The following GUCY1A2 variants were observed in gnomAD, a reference collection of about 807,000 sequenced individuals.
The protein encoded by GUCY1A2 is guanylate cyclase 1 soluble subunit alpha 2.
Under a neutral mutation model 63.5 loss-of-function variants are expected in GUCY1A2, and 27 were observed. That is an observed-to-expected ratio of 0.43 (90% confidence interval 0.31 to 0.59). GUCY1A2 has a LOEUF of 0.59. Among genes scored for constraint, GUCY1A2 ranks in the 20% least tolerant of loss-of-function variants. The probability of loss-of-function intolerance (pLI) is 0.11; values close to 1 mark genes in which losing one functional copy is unlikely to be tolerated. For missense variants in GUCY1A2, 768 were observed against 913.3 expected, an observed-to-expected ratio of 0.84 and a Z score of 2.05; for synonymous variants, 364 against 343.5, an observed-to-expected ratio of 1.06 and a Z score of -0.66.
chr11:106,901,015 G>A (rs774431182), intron 4 of GUCY1A2, among the ~76,000 whole-genome samples: 1 of 152,164 alleles, frequency 6.6e-6, no homozygotes, highest in African/African-American at 2.4e-5. Context: ...CTTTATGAAA[G>A]ATTTCTCTCT....
rs1169853043 is a variant in GUCY1A2, at chr11:106,986,126, C to T, written c.309G>A (p.Gln103=). 3.5e-6 allele frequency: 5 copies of T among 1,426,066 alleles called. No individual in the cohort carries two copies. Among genetic ancestry groups the T allele is most frequent in the Non-Finnish European group, 3.0e-6 (3 of 1,008,732 alleles). The allele number at this position is 1,426,066 out of a possible 1,614,324, so 88.3% of individuals were successfully genotyped here. A position where few individuals can be genotyped will look rare whatever the true frequency, so the allele number is the denominator to read the frequency against. ...SISRLTAPSP[Q]TIQQTLKRTL... ...TCCTCTTGAGAGTCTGCTGTATCGTCTGAGGCTACAGAATAATAATAATAA... is the reference window on the plus strand; with the variant it reads ...TCCTCTTGAGAGTCTGCTGTATCGTTTGAGGCTACAGAATAATAATAATAA... Residue 103 remains glutamine (Q), a synonymous_variant, in exon 2 of 8, where the codon CAG becomes CAA. Transcript: ENST00000526355.
intron 4 of GUCY1A2, among the ~76,000 whole-genome samples, chr11:106,879,749 T>C (rs886790689): frequency 2.0e-5 from 3 of 152,074 alleles, no homozygotes; most frequent in Non-Finnish European, 4.4e-5. Context: ...ACCATTTTCA[T>C]CAGTATGCCC....
At chr11:106,691,899 T>G (rs1448649886) in intron 7 of GUCY1A2, among the ~76,000 whole-genome samples, 1 of 152,162 alleles carries the variant, frequency 6.6e-6, no homozygotes, top group Non-Finnish European at 1.5e-5. Context: ...AACACTGAAG[T>G]GCAATATTCA....
At chr11:106,917,770 G>A (rs1310980357) in intron 4 of GUCY1A2, among the ~76,000 whole-genome samples, 17 of 103,374 alleles carry the variant, frequency 1.6e-4, no homozygotes, top group African/African-American at 4.3e-4. Flanking sequence ...AGGAAGGGGA[G>A]CATCACACAC....
intron 6 of GUCY1A2, among the ~76,000 whole-genome samples, chr11:106,739,975 C>T (rs1417935264): frequency 1.3e-5 from 2 of 150,826 alleles, no homozygotes; most frequent in South Asian, 4.2e-4. Context: ...GTACCACTAC[C>T]TTTACACCTC....
intron 3 of GUCY1A2, among the ~76,000 whole-genome samples, chr11:106,943,766 G>T (rs1400654712): frequency 6.6e-6 from 1 of 152,202 alleles, no homozygotes; most frequent in African/African-American, 2.4e-5. Context: ...AAAGACACAT[G>T]ACTTTCTCTC....
chr11:106,985,831 G>GA (rs892119418), intron 2 of GUCY1A2, among the ~76,000 whole-genome samples: 3 of 151,476 alleles, frequency 2.0e-5, no homozygotes, highest in Non-Finnish European at 4.4e-5. Flanking sequence ...AGAAGACTGA[G>GA]AAAAAAAAGA....
chr11:106,894,969 G>A (rs910463075), intron 4 of GUCY1A2, among the ~76,000 whole-genome samples: 1 of 152,044 alleles, frequency 6.6e-6, no homozygotes, highest in African/African-American at 2.4e-5. Context: ...ACAAAACGTG[G>A]TTCTTTGAAA....
chr11:106,885,578 T>C (rs1309458124), intron 4 of GUCY1A2, among the ~76,000 whole-genome samples: 2 of 152,200 alleles, frequency 1.3e-5, no homozygotes, highest in Non-Finnish European at 2.9e-5. Context: ...ATTATTGCCT[T>C]CCATTACTAA....
intron 6 of GUCY1A2, among the ~76,000 whole-genome samples, chr11:106,748,336 A>G (rs993081586): frequency 7.2e-5 from 11 of 152,312 alleles, no homozygotes; most frequent in Non-Finnish European, 4.4e-5. Flanking sequence ...GAGATAGGGC[A>G]CTAGGAAGCT....
intron 5 of GUCY1A2, among the ~76,000 whole-genome samples, chr11:106,802,051 A>G (rs555030209): frequency 6.6e-6 from 1 of 152,298 alleles, no homozygotes; most frequent in African/African-American, 2.4e-5. Context: ...TTAAGTGATA[A>G]ATAGTGGCAG....
chr11:106,765,712 T>A (rs1864150844), intron 6 of GUCY1A2, among the ~76,000 whole-genome samples: 1 of 152,108 alleles, frequency 6.6e-6, no homozygotes, highest in Admixed American at 6.6e-5. Flanking sequence ...TACATGGTCA[T>A]TTGACCATCA....
intron 1 of GUCY1A2, among the ~76,000 whole-genome samples, chr11:107,004,953 G>A (rs1004197925): frequency 6.6e-6 from 1 of 152,136 alleles, no homozygotes; most frequent in Non-Finnish European, 1.5e-5. Flanking sequence ...AGAGACATAG[G>A]TTCTTGATGT....
chr11:106,925,009 AAAAAC>A (rs1030320681), intron 4 of GUCY1A2, among the ~76,000 whole-genome samples: 2 of 152,144 alleles, frequency 1.3e-5, no homozygotes, highest in African/African-American at 4.8e-5. Context: ...CCTGTCTCAA[AAAAAC>A]AAAACAAAAC....
rs1864193010 is a variant in GUCY1A2, at chr11:106,768,029, A to C, written c.1836+8410T>G. On this transcript the variant is annotated intron_variant, in intron 6 of 7. Coordinates refer to ENST00000526355, the MANE Select transcript of GUCY1A2 (RefSeq NM_000855.3). ...ACAATAAACAAGGGGAAAATATAGA[A>C]AAAAAGCAGAGCATCATGACTAATA... 1.3e-5 allele frequency among the ~76,000 whole-genome samples: 2 copies of C among 152,196 alleles called. 1 individual carries two copies. The highest frequency in any genetic ancestry group is 4.8e-5 in the African/African-American group (2 of 41,460).
intron 6 of GUCY1A2, among the ~76,000 whole-genome samples, chr11:106,756,419 A>G (rs1863974747): frequency 6.6e-6 from 1 of 152,060 alleles, no homozygotes; most frequent in African/African-American, 2.4e-5. Flanking sequence ...TTGTCCGTTC[A>G]TTGCTGCAGT....
chr11:106,921,522 TTATGACC>T (rs1392959225), intron 4 of GUCY1A2, among the ~76,000 whole-genome samples: 1 of 152,172 alleles, frequency 6.6e-6, no homozygotes, highest in Non-Finnish European at 1.5e-5. Context: ...CCTTGACCCA[TTATGACC>T]ATACCATTCT....
intron 1 of GUCY1A2, among the ~76,000 whole-genome samples, chr11:106,990,522 A>G (rs1861457063): frequency 6.6e-6 from 1 of 152,386 alleles, no homozygotes; most frequent in Admixed American, 6.5e-5. Flanking sequence ...TGCTCTGGAT[A>G]TCTGCACCAG....
At chr11:106,755,256 C>T (rs965537708) in intron 6 of GUCY1A2, among the ~76,000 whole-genome samples, 1 of 152,038 alleles carries the variant, frequency 6.6e-6, no homozygotes, top group Non-Finnish European at 1.5e-5. Flanking sequence ...ATTAGTCTTG[C>T]TAGCAGTCTG....
Sources: gnomAD v4.1 joint callset for allele counts (sites outside exome capture counted in the v4.1 genomes callset) on GRCh38, gnomAD v4.1.1 for gene constraint, MANE v1.5 for transcripts, NCBI Gene and HGNC (gene_info 2026-07-23, HGNC 2026-07-21) for gene names.